The following PTK7 variants were observed in gnomAD, a reference collection of about 807,000 sequenced individuals.
The protein encoded by PTK7 is inactive tyrosine-protein kinase 7.
PTK7 carries 39 observed loss-of-function variants against 116.6 expected under a neutral mutation model. The observed-to-expected ratio is 0.33, with a 90% CI of 0.26 to 0.44. The LOEUF (loss-of-function observed/expected upper bound fraction) is 0.44, where lower values mean the gene tolerates loss of function less well. PTK7 is among the 20% of genes least tolerant of loss of function. The pLI, the probability that PTK7 is intolerant of heterozygous loss-of-function variation, is 1.00. For synonymous variants in PTK7, 546 were observed against 563.6 expected (o/e 0.97, Z 0.44); for missense variants, 1,169 against 1,425.6 (o/e 0.82, Z 2.90).
intron 1 of PTK7, among the ~76,000 whole-genome samples, chr6:43,122,448 C>T (rs1299549657): frequency 6.6e-6 from 1 of 152,110 alleles, no homozygotes; most frequent in Non-Finnish European, 1.5e-5. Flanking sequence ...GGCCTGTGGC[C>T]TGGCGCTGTC....
chr6:43,155,638 A>G (rs1771381817), intron 17 of PTK7, among the ~76,000 whole-genome samples: 1 of 143,246 alleles, frequency 7.0e-6, no homozygotes, highest in African/African-American at 2.7e-5. Context: ...ACAGAACAAG[A>G]CTCCATCAAA....
rs1459935404 is a variant in PTK7 at position 43,141,861 on chromosome 6, G to A, written c.1768+44G>A. The A allele has an allele frequency of 2.5e-6, 4 of 1,605,572 alleles. No individual in the cohort carries two copies. Among genetic ancestry groups the A allele is most frequent in the South Asian group, 1.1e-5 (1 of 90,628 alleles). Reference sequence around the variant, plus strand: ...CCTGGGGCTGGGAGGGCCCTCTGGGGTAGCACCGTGTACCCTGCCAGCCCC... The same window carrying A: ...CCTGGGGCTGGGAGGGCCCTCTGGGATAGCACCGTGTACCCTGCCAGCCCC... On this transcript the variant is annotated intron_variant, in intron 11 of 19. Transcript: ENST00000230419. This position sits in a 1 kb window ranked among gnomAD's most constrained non-coding sequence, Gnocchi z 4.9.
intron 1 of PTK7, among the ~76,000 whole-genome samples, chr6:43,088,563 A>G (rs1035360530): frequency 6.8e-6 from 1 of 147,468 alleles, no homozygotes; most frequent in Non-Finnish European, 1.5e-5. Context: ...GTGGTGGTGC[A>G]TGCCTGTAAT....
chr6:43,087,074 T>C (rs892962350), intron 1 of PTK7, among the ~76,000 whole-genome samples: 1 of 152,202 alleles, frequency 6.6e-6, no homozygotes, highest in Non-Finnish European at 1.5e-5. Flanking sequence ...TCTAAAGTCA[T>C]GTTTCAAGTG....
chr6:43,148,830 G>T (rs1429228248), intron 17 of PTK7, among the ~76,000 whole-genome samples: 2 of 151,968 alleles, frequency 1.3e-5, no homozygotes, highest in South Asian at 4.2e-4. Context: ...GGAGGCCGAG[G>T]CGGGCAGATC....
At chr6:43,118,420 C>G (rs1768688591) in intron 1 of PTK7, among the ~76,000 whole-genome samples, 1 of 151,286 alleles carries the variant, frequency 6.6e-6, no homozygotes, top group Non-Finnish European at 1.5e-5. Context: ...ACCTGTAATC[C>G]CAGCTACTTG....
intron 17 of PTK7, among the ~76,000 whole-genome samples, chr6:43,157,363 TA>T (rs1209815213): frequency 3.3e-3 from 119 of 36,020 alleles, no homozygotes; most frequent in African/African-American, 0.013. Context: ...TATATATATA[TA>T]TTTTTTTTTT....
At chr6:43,117,525 G>A (rs780416756) in intron 1 of PTK7, among the ~76,000 whole-genome samples, 1 of 152,160 alleles carries the variant, frequency 6.6e-6, no homozygotes, top group African/African-American at 2.4e-5. Flanking sequence ...ACAGATCCAG[G>A]GGCAGCTCCT....
Position 43,139,444 on chromosome 6 carries a change from T to C in PTK7, c.1537T>C (p.Cys513Arg). ...CACACCACCACCCCAGCCACAGCAG[T>C]GCATGGAGTTTGACAAGGAGGCCAC... ...KFTPPPQPQQCMEFDKEATVP... is the reference protein window; with the variant it reads ...KFTPPPQPQQRMEFDKEATVP... The change falls in exon 10 of 20, where the codon TGC (cysteine) becomes CGC (arginine). Residue 513 changes from cysteine to arginine, a missense_variant. Coordinates refer to ENST00000230419, the MANE Select transcript of PTK7 (RefSeq NM_002821.5). This position sits in a 1 kb window ranked among gnomAD's most constrained non-coding sequence, Gnocchi z 4.6. 1 of 1,614,102 alleles carries C rather than the reference T, an allele frequency of 6.2e-7. No individual in the cohort carries two copies. Among genetic ancestry groups the C allele is most frequent in the Non-Finnish European group, 8.5e-7 (1 of 1,180,010 alleles).
chr6:43,100,424 G>C (rs1432263706), intron 1 of PTK7, among the ~76,000 whole-genome samples: 1 of 145,762 alleles, frequency 6.9e-6, no homozygotes, highest in Non-Finnish European at 1.5e-5. Flanking sequence ...AAAAAAAAAT[G>C]ATAGACATTA....
intron 1 of PTK7, among the ~76,000 whole-genome samples, chr6:43,079,874 C>G (rs1159493629): frequency 1.4e-5 from 2 of 144,204 alleles, no homozygotes; most frequent in African/African-American, 5.2e-5. Context: ...GCCTTGGCAA[C>G]ACAATGAGAC....
At chr6:43,121,992 A>G (rs1768992562) in intron 1 of PTK7, among the ~76,000 whole-genome samples, 1 of 152,138 alleles carries the variant, frequency 6.6e-6, no homozygotes, top group Non-Finnish European at 1.5e-5. Flanking sequence ...CAATTTGAAA[A>G]TTAGCTGGGC....
rs1561964137 is a variant in PTK7, at chr6:43,129,047, G to A, written c.150G>A (p.Leu50=). 2 of 1,614,192 alleles carry A rather than the reference G, an allele frequency of 1.2e-6. No individual in the cohort carries two copies. The highest frequency in any genetic ancestry group is 1.7e-6 in the Non-Finnish European group (2 of 1,180,034). Residue 50 remains leucine, a synonymous_variant, in exon 2 of 20, where the codon CTG becomes CTA. Transcript: ENST00000230419. This position sits in a 1 kb window ranked among gnomAD's most constrained non-coding sequence, Gnocchi z 4.5. ...ATGCACTGCAGGGGCGCCGGGCGCT[G>A]CTTCGCTGTGAGGTTGAGGCTCCGG... is the stretch of plus-strand genomic sequence containing the variant. ...SQDALQGRRA[L]LRCEVEAPGP...
chr6:43,126,689 C>T (rs937654522), intron 1 of PTK7, among the ~76,000 whole-genome samples: 6 of 152,226 alleles, frequency 3.9e-5, no homozygotes, highest in East Asian at 1.9e-4. Context: ...GCTATTTGAT[C>T]GTGGGCAGAT....
rs535787878 is a variant in PTK7 at position 43,143,585 on chromosome 6, C to A, written c.2216C>A (p.Pro739His). Residue 739 changes from proline to histidine, a missense_variant, in exon 14 of 20, where the codon CCC becomes CAC. Pro to His is a moderately conservative substitution (Grantham distance 77). Transcript: ENST00000230419. The surrounding 1 kb of genome is among the most constrained non-coding windows in gnomAD (Gnocchi z 4.2). ...AAAGCCAAGCGGCTGCAGAAGCAGC[C>A]CGAGGGCGAGGAGCCAGAGATGGAA... Reference protein sequence around the residue: ...RCKAKRLQKQPEGEEPEMECL... With the variant: ...RCKAKRLQKQHEGEEPEMECL... 16 of 1,613,102 alleles carry A rather than the reference C, an allele frequency of 9.9e-6. No individual in the cohort carries two copies. Among genetic ancestry groups the A allele is most frequent in the Non-Finnish European group, 1.3e-5 (15 of 1,180,006 alleles).
In PTK7 at chr6:43,108,398, C is replaced by CT. The variant is rs1172537819; in HGVS notation, c.80-20566dup. 3.9e-3 allele frequency among the ~76,000 whole-genome samples: 531 copies of CT among 137,244 alleles called. 3 individuals carry two copies. The highest frequency in any genetic ancestry group is 0.012 in the African/African-American group (437 of 37,406). The allele number at this position is 137,244 out of a possible 152,430, so 90.0% of individuals were successfully genotyped here. On this transcript the variant is annotated intron_variant, in intron 1 of 19. Coordinates refer to ENST00000230419, the MANE Select transcript of PTK7 (RefSeq NM_002821.5). ...GCATGAGCCACCGCGCCCGGCCAAC[C>CT]TTTTTTTTTTTTTCCTTTAAAGACA...
At chr6:43,112,638 T>A (rs1768258580) in intron 1 of PTK7, among the ~76,000 whole-genome samples, 1 of 151,974 alleles carries the variant, frequency 6.6e-6, no homozygotes, top group Non-Finnish European at 1.5e-5. Flanking sequence ...GGTCTCAAAC[T>A]CCTGACCTCA....
Position 43,160,705 on chromosome 6 carries a change from GC to G in PTK7, c.3053-15del, listed in dbSNP as rs1771796806. Reference sequence around the variant, plus strand: ...GAATGTTTTGGCCAACACTGCACCTGCTGTCTTCCCTACAGATTTGCAGGCT... The same window carrying G: ...GAATGTTTTGGCCAACACTGCACCTGTGTCTTCCCTACAGATTTGCAGGCT... On this transcript the variant is annotated splice_polypyrimidine_tract_variant and intron_variant, in intron 19 of 19. Transcript: ENST00000230419. The G allele has an allele frequency of 8.1e-6, 13 of 1,613,486 alleles. No individual in the cohort carries two copies. Among genetic ancestry groups the G allele is most frequent in the Non-Finnish European group, 1.1e-5 (13 of 1,179,638 alleles).
At chr6:43,107,168 C>CT (rs1362057786) in intron 1 of PTK7, among the ~76,000 whole-genome samples, 57 of 151,772 alleles carry the variant, frequency 3.8e-4, no homozygotes, top group African/African-American at 1.2e-3. Flanking sequence ...AGGTGATCTG[C>CT]CATCCTCGAC....
Sources: gnomAD v4.1 joint callset for allele counts (sites outside exome capture counted in the v4.1 genomes callset) on GRCh38, gnomAD v4.1.1 for gene constraint, Gnocchi (gnomAD v3.1) non-coding constraint, MANE v1.5 for transcripts, NCBI Gene and HGNC (gene_info 2026-07-23, HGNC 2026-07-21) for gene names.